Variants in TNIK observed in about 807,000 individuals in gnomAD.
TNIK encodes the protein TRAF2 and NCK-interacting protein kinase.
In TNIK, 49 loss-of-function variants were observed where a neutral mutation model predicts 191.3. The ratio of observed to expected loss-of-function variants is 0.26; its 90% CI spans 0.20 to 0.32. The LOEUF is 0.32. Ranked by LOEUF, TNIK falls within the 10% of genes least tolerant of loss-of-function variation. The pLI, the probability that TNIK is intolerant of heterozygous loss-of-function variation, is 1.00. For missense variants in TNIK, 1,155 were observed against 1,702.3 expected, an observed-to-expected ratio of 0.68 and a Z score of 5.66; for synonymous variants, 594 against 600.9, an observed-to-expected ratio of 0.99 and a Z score of 0.17.
chr3:171,289,096 A>C (rs115772524), intron 2 of TNIK, among the ~76,000 whole-genome samples: 1 of 152,202 alleles, frequency 6.6e-6, no homozygotes, highest in African/African-American at 2.4e-5. Context: ...TTCAAGAGGC[A>C]TAAGGGAAGC....
At chr3:171,336,050 C>G (rs191737293) in intron 2 of TNIK, among the ~76,000 whole-genome samples, 2 of 152,024 alleles carry the variant, frequency 1.3e-5, no homozygotes, top group Non-Finnish European at 2.9e-5. Flanking sequence ...ATTCATACAG[C>G]CCCTTTACAG....
At chr3:171,239,518 A>T (rs766226140) in intron 2 of TNIK, among the ~76,000 whole-genome samples, 48 of 152,214 alleles carry the variant, frequency 3.2e-4, no homozygotes, top group Admixed American at 7.9e-4. Context: ...CCAAATATAG[A>T]CTCTCCACAG....
At chr3:171,247,275 G>C (rs1022917061) in intron 2 of TNIK, among the ~76,000 whole-genome samples, 4 of 152,206 alleles carry the variant, frequency 2.6e-5, no homozygotes, top group African/African-American at 9.7e-5. Context: ...CCAAGATTTG[G>C]AGATGATTAA....
chr3:171,290,976 T>C (rs1193890821), intron 2 of TNIK, among the ~76,000 whole-genome samples: 1 of 152,202 alleles, frequency 6.6e-6, no homozygotes, highest in Non-Finnish European at 1.5e-5. Flanking sequence ...CACCTATTTT[T>C]TTTTAGAATT....
chr3:171,079,595 T>C lies in TNIK; in HGVS notation c.3371A>G (p.His1124Arg), dbSNP rs76046934. 9 of 1,613,638 alleles carry C rather than the reference T, an allele frequency of 5.6e-6. No individual in the cohort carries two copies. Among genetic ancestry groups the C allele is most frequent in the Non-Finnish European group, 7.6e-6 (9 of 1,179,730 alleles). The change falls in exon 28 of 33, where the codon CAT (histidine) becomes CGT (arginine). Residue 1124 changes from histidine (H) to arginine (R), a missense_variant. Transcript: ENST00000436636. ...TTTCTTTTCTACTTCTGGGTCATTATGTAGTATTCTGTTTCTTAACCATGA... is the reference window on the plus strand; with the variant it reads ...TTTCTTTTCTACTTCTGGGTCATTACGTAGTATTCTGTTTCTTAACCATGA... ...YLSWLRNRILHNDPEVEKKQG... is the reference protein window; with the variant it reads ...YLSWLRNRILRNDPEVEKKQG...
intron 32 of TNIK, among the ~76,000 whole-genome samples, chr3:171,065,146 G>GT (rs1236757957): frequency 6.6e-6 from 1 of 152,218 alleles, no homozygotes; most frequent in African/African-American, 2.4e-5. Flanking sequence ...CAATCGGAAT[G>GT]TGGGTATCCA....
chr3:171,087,329 G>A lies in TNIK; in HGVS notation c.2886+13C>T, dbSNP rs1453434720. On this transcript the variant is annotated intron_variant, in intron 24 of 32. Transcript: ENST00000436636. ...CAGCAGAACTGTCATGTCAGCTGTT[G>A]CCCAGCACCTACTTCAGTCCCAGAG... is the stretch of plus-strand genomic sequence containing the variant. 1.9e-6 allele frequency: 3 copies of A among 1,613,508 alleles called. No homozygotes were observed. Among genetic ancestry groups the A allele is most frequent in the African/African-American group, 1.3e-5 (1 of 74,926 alleles).
chr3:171,369,035 A>C (rs1453887760), intron 2 of TNIK, among the ~76,000 whole-genome samples: 1 of 151,996 alleles, frequency 6.6e-6, no homozygotes, highest in East Asian at 1.9e-4. Flanking sequence ...TTTTAAAAAC[A>C]CTTTTTGAGT....
chr3:171,123,083 C>G (rs986669983), intron 18 of TNIK, among the ~76,000 whole-genome samples: 1 of 152,200 alleles, frequency 6.6e-6, no homozygotes, highest in African/African-American at 2.4e-5. Context: ...GCAACTTCCT[C>G]GTAAGAGCTA....
At chr3:171,377,954 C>G (rs1350676467) in intron 1 of TNIK, among the ~76,000 whole-genome samples, 1 of 152,140 alleles carries the variant, frequency 6.6e-6, no homozygotes, top group Non-Finnish European at 1.5e-5. Flanking sequence ...TACAAATGGC[C>G]AATGCTGAAA....
chr3:171,370,431 TA>T (rs1411365826), intron 1 of TNIK, among the ~76,000 whole-genome samples: 1 of 152,200 alleles, frequency 6.6e-6, no homozygotes, highest in Non-Finnish European at 1.5e-5. Context: ...AAATTACTGC[TA>T]TTATAACTGA....
At chr3:171,430,864 C>T (rs1447512448) in intron 1 of TNIK, among the ~76,000 whole-genome samples, 3 of 151,976 alleles carry the variant, frequency 2.0e-5, no homozygotes, top group Non-Finnish European at 2.9e-5. Flanking sequence ...TTTCAGATTA[C>T]ACCTTCATGG....
chr3:171,325,390 CAT>C (rs1159103440), intron 2 of TNIK, among the ~76,000 whole-genome samples: 1 of 152,082 alleles, frequency 6.6e-6, no homozygotes, highest in Non-Finnish European at 1.5e-5. Flanking sequence ...GCCATAGTCA[CAT>C]GAGTTGTGGC....
chr3:171,204,083 G>A lies in TNIK; in HGVS notation c.306+7033C>T, dbSNP rs552111283. On this transcript the variant is annotated intron_variant, in intron 4 of 32. Coordinates refer to ENST00000436636, the MANE Select transcript of TNIK (RefSeq NM_015028.4). Reference sequence around the variant, plus strand: ...ACAGTATTTCTCCCTCCCTCCCAGTGTCTGAATGGCATGCAGCAAAATGGA... The same window carrying A: ...ACAGTATTTCTCCCTCCCTCCCAGTATCTGAATGGCATGCAGCAAAATGGA... 9.8e-5 allele frequency among the ~76,000 whole-genome samples: 15 copies of A among 152,338 alleles called. No individual in the cohort carries two copies. In the South Asian group the frequency reaches 3.1e-3, roughly 32 times the overall value.
intron 2 of TNIK, among the ~76,000 whole-genome samples, chr3:171,264,067 T>TACACACACAC (rs760319253): frequency 1.1e-4 from 12 of 110,818 alleles, no homozygotes; most frequent in Non-Finnish European, 1.9e-4. Flanking sequence ...TATATATACA[T>TACACACACAC]ACACACACAC....
intron 23 of TNIK, among the ~76,000 whole-genome samples, chr3:171,092,233 C>T (rs964785540): frequency 6.6e-6 from 1 of 152,112 alleles, no homozygotes; most frequent in Non-Finnish European, 1.5e-5. Context: ...CAGGCACGAG[C>T]CACCGCGCCC....
Position 171,279,521 on chromosome 3 carries a change from A to T in TNIK, c.124-51300T>A, listed in dbSNP as rs1263527210. 2.6e-5 allele frequency among the ~76,000 whole-genome samples: 4 copies of T among 152,252 alleles called. No individual in the cohort carries two copies. The East Asian group carries it at 7.7e-4, about 29-fold the overall frequency. ...TTTGCCCTCCCACTGCAAATACATG[A>T]TTGTGCCACATAGCCACCCCCTTGC... is the stretch of plus-strand genomic sequence containing the variant. On this transcript the variant is annotated intron_variant, in intron 2 of 32. Coordinates refer to ENST00000436636, the MANE Select transcript of TNIK (RefSeq NM_015028.4).
intron 21 of TNIK, chr3:171,106,760 T>G (rs745358238): frequency 9.4e-6 from 5 of 534,692 alleles, no homozygotes; most frequent in African/African-American, 1.9e-5. Context: ...TAACAATACC[T>G]ACTAACTCCT....
chr3:171,158,708 CACAT>C (rs1224041542), intron 11 of TNIK, among the ~76,000 whole-genome samples: 1 of 152,150 alleles, frequency 6.6e-6, no homozygotes, highest in Non-Finnish European at 1.5e-5. Context: ...TTATGGGACA[CACAT>C]ACAGACAAAT....
Sources: gnomAD v4.1 joint callset for allele counts (sites outside exome capture counted in the v4.1 genomes callset) on GRCh38, gnomAD v4.1.1 for gene constraint, MANE v1.5 for transcripts, NCBI Gene and HGNC (gene_info 2026-07-23, HGNC 2026-07-21) for gene names.